The following CNTNAP3B variants were observed in gnomAD, a reference collection of about 807,000 sequenced individuals.
CNTNAP3B encodes the protein contactin-associated protein-like 3B.
CNTNAP3B carries 25 observed loss-of-function variants against 108.9 expected under a neutral mutation model. The ratio of observed to expected loss-of-function variants is 0.23; its 90% CI spans 0.17 to 0.32. The LOEUF (loss-of-function observed/expected upper bound fraction) is 0.32. CNTNAP3B is among the 10% of genes least tolerant of loss of function. The pLI is 1.00. For synonymous variants in CNTNAP3B, 103 were observed against 473.4 expected, an observed-to-expected ratio of 0.22 and a Z score of 10.16; for missense variants, 252 against 1,210.4, an observed-to-expected ratio of 0.21 and a Z score of 11.75.
chr9:41,957,815 C>G (rs1263422044), intron 12 of CNTNAP3B, among the ~76,000 whole-genome samples: 1 of 152,294 alleles, frequency 6.6e-6, no homozygotes, highest in Non-Finnish European at 1.5e-5. Context: ...GGCTGGAGTT[C>G]AGTGGCATGA....
At chr9:41,942,090 C>A (rs1353242374) in intron 13 of CNTNAP3B, among the ~76,000 whole-genome samples, 2 of 152,292 alleles carry the variant, frequency 1.3e-5, no homozygotes, top group Admixed American at 6.5e-5. Flanking sequence ...TCTTTTCTTA[C>A]CCAAGGGAAG....
At chr9:41,954,744 C>T (rs548853533) in intron 12 of CNTNAP3B, among the ~76,000 whole-genome samples, 72 of 152,336 alleles carry the variant, frequency 4.7e-4, no homozygotes, top group Admixed American at 1.7e-3. Flanking sequence ...AGTGCAGTGG[C>T]GCTATCTCAG....
chr9:41,934,048 A>T (rs1160454647), intron 14 of CNTNAP3B, among the ~76,000 whole-genome samples: 9 of 147,666 alleles, frequency 6.1e-5, no homozygotes, highest in Non-Finnish European at 1.2e-4. Flanking sequence ...CAAAAATGTT[A>T]TGTTAATTAT....
At chr9:41,969,675 T>C (rs1825384389) in intron 10 of CNTNAP3B, among the ~76,000 whole-genome samples, 1 of 151,832 alleles carries the variant, frequency 6.6e-6, no homozygotes, top group South Asian at 2.1e-4. Context: ...TGGAGTGCAG[T>C]GGCGCGATCT....
chr9:42,072,865 A>T lies in CNTNAP3B; in HGVS notation c.390+4004T>A, dbSNP rs1011526140. Reference sequence around the variant, plus strand: ...CTTTAGATTCAGATTCATTTCATATATTAGAAAGGTCATACTGTGTATACA... The same window carrying T: ...CTTTAGATTCAGATTCATTTCATATTTTAGAAAGGTCATACTGTGTATACA... On this transcript the variant is annotated intron_variant, in intron 3 of 23. Transcript: ENST00000377561. 7.1e-5 allele frequency among the ~76,000 whole-genome samples: 9 copies of T among 126,648 alleles called. 1 individual carries two copies. The highest frequency in any genetic ancestry group is 4.0e-4 in the Admixed American group (5 of 12,406). 83.1% of individuals were successfully genotyped at this position (126,648 alleles called of 152,430 possible). A position where few individuals can be genotyped will look rare whatever the true frequency, so the allele number is the denominator to read the frequency against.
rs1177104800 is a variant in CNTNAP3B at position 42,116,805 on chromosome 9, C to T, written c.86-12066G>A. ...GCTCACGTGCAGAGACACACATAGGCTCAAAATAAAGGTATGGAGGAAGGT... is the reference window on the plus strand; with the variant it reads ...GCTCACGTGCAGAGACACACATAGGTTCAAAATAAAGGTATGGAGGAAGGT... On this transcript the variant is annotated intron_variant, in intron 1 of 23. Transcript: ENST00000377561. 5.1e-5 allele frequency among the ~76,000 whole-genome samples: 7 copies of T among 137,390 alleles called. 1 individual carries two copies. Among genetic ancestry groups the T allele is most frequent in the African/African-American group, 2.1e-4 (7 of 34,112 alleles). 90.1% of individuals were successfully genotyped at this position (137,390 alleles called of 152,430 possible).
intron 13 of CNTNAP3B, among the ~76,000 whole-genome samples, chr9:41,939,182 G>T (rs879408717): frequency 6.6e-6 from 1 of 152,278 alleles, no homozygotes; most frequent in Non-Finnish European, 1.5e-5. Flanking sequence ...TCACAGTAAA[G>T]TTAGGATAAT....
intron 14 of CNTNAP3B, among the ~76,000 whole-genome samples, chr9:41,934,122 TACAC>T (rs201541186): frequency 4.0e-4 from 29 of 73,372 alleles, no homozygotes; most frequent in African/African-American, 8.2e-4. Context: ...TATATATATA[TACAC>T]ACACATATAT....
Position 41,953,332 on chromosome 9 carries a change from C to T in CNTNAP3B, c.1931G>A (p.Arg644Gln), listed in dbSNP as rs746107255. 1.6e-5 allele frequency: 25 copies of T among 1,550,640 alleles called. 1 individual carries two copies. The highest frequency in any genetic ancestry group is 9.8e-5 in the Admixed American group (5 of 51,094). ...RHGGPDAVTL[R>Q]GAPSGHPLSA... is the part of the protein sequence containing the mutation. ...GAGCGGGTGCCCGCTGGGGGCACCT[C>T]GGAGGGTCACCGCGTCGGGGCCACC... The change falls in exon 13 of 24, where the codon CGA (arginine) becomes CAA (glutamine). Residue 644 changes from arginine to glutamine, a missense_variant. Physicochemically the swap from Arg to Gln is conservative, Grantham distance 43. Coordinates refer to ENST00000377561, the MANE Select transcript of CNTNAP3B (RefSeq NM_001201380.3).
intron 15 of CNTNAP3B, among the ~76,000 whole-genome samples, chr9:41,925,606 CAAA>C (rs1823796363): frequency 1.2e-4 from 18 of 152,326 alleles, no homozygotes; most frequent in Admixed American, 3.3e-4. Context: ...AACAAACAAA[CAAA>C]CAAACCAAGA....
chr9:41,933,096 C>A (rs1824031364), intron 14 of CNTNAP3B, among the ~76,000 whole-genome samples: 1 of 152,380 alleles, frequency 6.6e-6, no homozygotes, highest in South Asian at 2.1e-4. Context: ...GCAATCCACA[C>A]AAGTAAAAAC....
chr9:42,070,464 TGACGTGTCCTGCA>T (rs1210395540), intron 3 of CNTNAP3B, among the ~76,000 whole-genome samples: 95 of 146,782 alleles, frequency 6.5e-4, no homozygotes, highest in Non-Finnish European at 7.5e-5. Flanking sequence ...GCAGCAGGGC[TGACGTGTCCTGCA>T]GACCTGCTCT....
At chr9:42,070,806 A>G (rs2118594499) in intron 3 of CNTNAP3B, among the ~76,000 whole-genome samples, 1 of 152,224 alleles carries the variant, frequency 6.6e-6, no homozygotes, top group South Asian at 2.1e-4. Context: ...GGCCCGGAAA[A>G]TAAAGATAAC....
chr9:42,080,150 G>A (rs1827583398), intron 2 of CNTNAP3B, among the ~76,000 whole-genome samples: 1 of 136,012 alleles, frequency 7.4e-6, no homozygotes, highest in Non-Finnish European at 1.6e-5. Context: ...GGGATGGTGT[G>A]TTTTCATTAG....
chr9:42,034,145 A>G (rs1826577080), intron 3 of CNTNAP3B, among the ~76,000 whole-genome samples: 1 of 109,778 alleles, frequency 9.1e-6, no homozygotes, highest in East Asian at 3.6e-4. Flanking sequence ...TTCTATGTGT[A>G]CATAATCTAC....
intron 3 of CNTNAP3B, among the ~76,000 whole-genome samples, chr9:42,049,233 CTTAT>C (rs1370098756): frequency 7.3e-6 from 1 of 136,716 alleles, no homozygotes; most frequent in Non-Finnish European, 1.6e-5. Context: ...TCTTTGAAAT[CTTAT>C]TTAAACTCTG....
rs1323118458 is a variant in CNTNAP3B at position 42,119,852 on chromosome 9, G to C, written c.85+9158C>G. Among the ~76,000 whole-genome samples the C allele has an allele frequency of 3.6e-5, 5 of 140,474 alleles. 1 individual carries two copies. Among genetic ancestry groups the C allele is most frequent in the Admixed American group, 1.4e-4 (2 of 14,230 alleles). 92.2% of individuals were successfully genotyped at this position (140,474 alleles called of 152,430 possible). On this transcript the variant is annotated intron_variant, in intron 1 of 23. Coordinates refer to ENST00000377561, the MANE Select transcript of CNTNAP3B (RefSeq NM_001201380.3). Reference sequence around the variant, plus strand: ...AGATGGATTAAAGACTTAAATGTTAGACCTAAAACCATAAAAACCCTAGAA... The same window carrying C: ...AGATGGATTAAAGACTTAAATGTTACACCTAAAACCATAAAAACCCTAGAA...
chr9:42,063,880 C>A (rs1165305951), intron 3 of CNTNAP3B, among the ~76,000 whole-genome samples: 1 of 150,424 alleles, frequency 6.6e-6, no homozygotes. Context: ...AGCCATGACA[C>A]CCAGCCTATT....
intron 10 of CNTNAP3B, among the ~76,000 whole-genome samples, chr9:41,966,197 C>T (rs1271249505): frequency 2.6e-5 from 4 of 152,400 alleles, no homozygotes; most frequent in East Asian, 1.9e-4. Flanking sequence ...TCCCCCTCCT[C>T]CCCTTCCTTC....
Sources: gnomAD v4.1 joint callset for allele counts (sites outside exome capture counted in the v4.1 genomes callset) on GRCh38, gnomAD v4.1.1 for gene constraint, MANE v1.5 for transcripts, NCBI Gene and HGNC (gene_info 2026-07-23, HGNC 2026-07-21) for gene names.